PCSK5: variants seen among roughly 807,000 people sequenced by gnomAD.
PCSK5 encodes proprotein convertase subtilisin/kexin type 5.
In PCSK5, 129 loss-of-function variants were observed where a neutral mutation model predicts 233.2. The observed-to-expected ratio is 0.55, with a 90% CI of 0.48 to 0.64. The LOEUF is 0.64. Ranked by LOEUF, PCSK5 falls within the 30% of genes least tolerant of loss-of-function variation. PCSK5 has a pLI of 0.00. For synonymous variants in PCSK5, 825 were observed against 879.2 expected, an observed-to-expected ratio of 0.94 and a Z score of 1.09; for missense variants, 2,076 against 2,430.1, an observed-to-expected ratio of 0.85 and a Z score of 3.06.
At chr9:76,244,563 G>GT (rs3077122) in intron 24 of PCSK5, among the ~76,000 whole-genome samples, 12,388 of 66,674 alleles carry the variant, frequency 0.19, 649 homozygotes, top group African/African-American at 0.31. Flanking sequence ...AAATCCTGGG[G>GT]TTTTTTTTTT....
At chr9:76,252,778 T>C (rs926332996) in intron 24 of PCSK5, among the ~76,000 whole-genome samples, 3 of 152,230 alleles carry the variant, frequency 2.0e-5, no homozygotes, top group African/African-American at 7.2e-5. Flanking sequence ...TCATTTACTC[T>C]TACTACTCCA....
chr9:75,949,511 A>G (rs2131319756), intron 2 of PCSK5, among the ~76,000 whole-genome samples: 1 of 151,868 alleles, frequency 6.6e-6, no homozygotes, highest in Non-Finnish European at 1.5e-5. Flanking sequence ...ACAGTTGTTT[A>G]TTTATTTATT....
intron 5 of PCSK5, among the ~76,000 whole-genome samples, chr9:76,065,150 G>T (rs902651311): frequency 6.6e-6 from 1 of 151,924 alleles, no homozygotes; most frequent in Admixed American, 6.6e-5. Context: ...CTTTATTTTG[G>T]ATATATACCC....
chr9:76,239,102 T>C lies in PCSK5; in HGVS notation c.3010T>C (p.Cys1004Arg), dbSNP rs774461032. The C allele has an allele frequency of 2.2e-5, 35 of 1,606,758 alleles. No individual in the cohort carries two copies. Among genetic ancestry groups the C allele is most frequent in the Admixed American group, 1.7e-5 (1 of 59,146 alleles). ...CCACAGCGTGCATGTCTGCACAAGA[T>C]GCATGAAGGGCTACTTCATAGCGCC... Reference protein sequence around the residue: ...LCHSVHVCTRCMKGYFIAPTN... With the variant: ...LCHSVHVCTRRMKGYFIAPTN... Residue 1004 changes from cysteine (C) to arginine (R), a missense_variant, in exon 23 of 38, where the codon TGC becomes CGC. Coordinates refer to ENST00000674117, the MANE Select transcript of PCSK5 (RefSeq NM_001372043.1).
intron 15 of PCSK5, among the ~76,000 whole-genome samples, chr9:76,180,799 A>G (rs1010203147): frequency 7.9e-5 from 12 of 152,174 alleles, no homozygotes; most frequent in African/African-American, 2.9e-4. Context: ...TATCTCCTGC[A>G]CTTAGCAACA....
At chr9:76,189,328 GGTTTAAACA>G in intron 19 of PCSK5, 105 bp downstream of exon 19, 1 of 942,018 alleles carries the variant, frequency 1.1e-6, no homozygotes, top group Non-Finnish European at 1.6e-6. Context: ...GATAACACTA[GGTTTAAACA>G]TGTACCTGTG....
Position 76,063,519 on chromosome 9 carries a change from T to G in PCSK5, c.633-4436T>G, listed in dbSNP as rs544448581. On this transcript the variant is annotated intron_variant, in intron 5 of 37. Coordinates refer to ENST00000674117, the MANE Select transcript of PCSK5 (RefSeq NM_001372043.1). The stretch of plus-strand genomic sequence containing the variant: ...GTCCCTGATTACTTGAGATTAGGGA[T>G]TGGTGATGACTCTTAACGAGCATGC... Among the ~76,000 whole-genome samples, 44 of 83,154 alleles carry G rather than the reference T, an allele frequency of 5.3e-4. 1 individual carries two copies. The highest frequency in any genetic ancestry group is 4.4e-3 in the Middle Eastern group (1 of 228). 54.6% of individuals were successfully genotyped at this position (83,154 alleles called of 152,430 possible).
chr9:75,926,092 A>G (rs540177104), intron 1 of PCSK5, among the ~76,000 whole-genome samples: 1 of 152,170 alleles, frequency 6.6e-6, no homozygotes, highest in Non-Finnish European at 1.5e-5. Context: ...CCAGCTCCAC[A>G]TCATGGATTC....
In PCSK5 at chr9:76,329,639, C is replaced by T. The variant is rs543008110; in HGVS notation, c.4570+1400C>T. Among the ~76,000 whole-genome samples, 169 of 152,104 alleles carry T rather than the reference C, an allele frequency of 1.1e-3. 1 individual carries two copies. The highest frequency in any genetic ancestry group is 4.0e-3 in the African/African-American group (165 of 41,474). On this transcript the variant is annotated intron_variant, in intron 33 of 37. Coordinates refer to ENST00000674117, the MANE Select transcript of PCSK5 (RefSeq NM_001372043.1). ...CATGAGGTCAGGAGTTCAAGACCAG[C>T]CTGACCAACATGATGAAATCCCATC...
At chr9:76,288,829 C>A (rs192753143) in intron 24 of PCSK5, among the ~76,000 whole-genome samples, 1 of 152,198 alleles carries the variant, frequency 6.6e-6, no homozygotes, top group Non-Finnish European at 1.5e-5. Context: ...CTTCTCTAGA[C>A]GTTCAAGTTT....
intron 2 of PCSK5, among the ~76,000 whole-genome samples, chr9:75,954,668 T>A (rs549923865): frequency 1.3e-5 from 2 of 152,288 alleles, no homozygotes; most frequent in Admixed American, 6.5e-5. Flanking sequence ...TCAAGTGGAT[T>A]GAGACATCAG....
rs933281009 is a variant in PCSK5 at position 76,052,640 on chromosome 9, C to T, written c.633-15315C>T. On this transcript the variant is annotated intron_variant, in intron 5 of 37. Transcript: ENST00000674117. ...AGATTTGGGTGGGGACACAGCCAAA[C>T]CATATCATTCTGTCCCTGGCCCCTC... 4.6e-5 allele frequency among the ~76,000 whole-genome samples: 7 copies of T among 152,144 alleles called. No individual in the cohort carries two copies. In the East Asian group the frequency reaches 7.7e-4, roughly 17 times the overall value.
At chr9:76,226,415 G>T (rs1328850141) in intron 20 of PCSK5, among the ~76,000 whole-genome samples, 2 of 152,162 alleles carry the variant, frequency 1.3e-5, no homozygotes, top group Admixed American at 6.5e-5. Context: ...TCAAGTCTAG[G>T]TTTCCAGGGT....
Position 75,891,058 on chromosome 9 carries a change from G to GGGGCTGCGAGCTGCGGCGGCCCT in PCSK5, c.-102_-101insTGGGCTGCGAGCTGCGGCGGCCC. On this transcript the variant is annotated 5_prime_UTR_variant, in exon 1 of 38. Transcript: ENST00000674117. ...GCTAGCCGCCTCCTGCCGATCGCCC[G>GGGGCTGCGAGCTGCGGCGGCCCT]GGGCTGCGAGCTGCGGCGGCCCGGG... The GGGGCTGCGAGCTGCGGCGGCCCT allele has an allele frequency of 1.1e-6, 1 of 885,166 alleles. No homozygotes were observed. Among genetic ancestry groups the GGGGCTGCGAGCTGCGGCGGCCCT allele is most frequent in the Non-Finnish European group, 1.5e-6 (1 of 645,470 alleles). 54.8% of individuals were successfully genotyped at this position (885,166 alleles called of 1,614,324 possible).
intron 10 of PCSK5, among the ~76,000 whole-genome samples, chr9:76,152,055 A>T (rs1288284360): frequency 1.3e-5 from 2 of 152,204 alleles, no homozygotes; most frequent in East Asian, 3.8e-4. Flanking sequence ...GCCACGTTTC[A>T]TATTTTGATG....
At chr9:76,216,883 C>A (rs1825553529) in intron 20 of PCSK5, among the ~76,000 whole-genome samples, 1 of 152,200 alleles carries the variant, frequency 6.6e-6, no homozygotes, top group Non-Finnish European at 1.5e-5. Context: ...CGCTGTCACC[C>A]AGGCTGGAGT....
At chr9:76,021,172 T>C (rs1470056410) in intron 3 of PCSK5, among the ~76,000 whole-genome samples, 3 of 152,178 alleles carry the variant, frequency 2.0e-5, no homozygotes, top group African/African-American at 7.2e-5. Flanking sequence ...TTAGCCAATA[T>C]TTTTGAAATC....
chr9:76,293,715 C>T (rs1266464153), intron 25 of PCSK5, among the ~76,000 whole-genome samples: 4 of 152,182 alleles, frequency 2.6e-5, no homozygotes, highest in Non-Finnish European at 5.9e-5. Context: ...CAAACCTGGC[C>T]GCCTCTTCAG....
chr9:76,332,795 G>C (rs925158432), intron 34 of PCSK5, among the ~76,000 whole-genome samples, 185 bp downstream of exon 34: 1 of 152,194 alleles, frequency 6.6e-6, no homozygotes. Flanking sequence ...CAGAGTGACC[G>C]AGTGAGTTAA....
Sources: gnomAD v4.1 joint callset for allele counts (sites outside exome capture counted in the v4.1 genomes callset) on GRCh38, gnomAD v4.1.1 for gene constraint, MANE v1.5 for transcripts, NCBI Gene and HGNC (gene_info 2026-07-23, HGNC 2026-07-21) for gene names.